ABI3: variants seen among roughly 807,000 people sequenced by gnomAD.
ABI3 encodes the protein ABI family member 3.
ABI3 carries 24 observed loss-of-function variants against 37.0 expected under a neutral mutation model. The observed-to-expected ratio is 0.65, with a 90% CI of 0.47 to 0.91. The LOEUF (loss-of-function observed/expected upper bound fraction) is 0.91. Ranked by LOEUF, ABI3 falls within the 40% of genes least tolerant of loss-of-function variation. ABI3 has a pLI of 0.00. For missense variants in ABI3, 481 were observed against 485.1 expected (o/e 0.99, Z 0.08); for synonymous variants, 220 against 211.8 (o/e 1.04, Z -0.34).
In ABI3 at chr17:49,222,774, G is replaced by T. The variant is rs923931358; in HGVS notation, c.*59G>T. The T allele has an allele frequency of 8.7e-6, 13 of 1,502,088 alleles. No homozygotes were observed. Among genetic ancestry groups the T allele is most frequent in the Non-Finnish European group, 1.2e-5 (13 of 1,119,814 alleles). The allele number at this position is 1,502,088 out of a possible 1,614,324, so 93.0% of individuals were successfully genotyped here. A position where few individuals can be genotyped will look rare whatever the true frequency, so the allele number is the denominator to read the frequency against. Reference sequence around the variant, plus strand: ...ACTGAGTGGGTTTCATGAGCCCCAAGCCAAAACCAGCTCCAGTCACAGCTG... The same window carrying T: ...ACTGAGTGGGTTTCATGAGCCCCAATCCAAAACCAGCTCCAGTCACAGCTG... On this transcript the variant is annotated 3_prime_UTR_variant, in exon 8 of 8. Coordinates refer to ENST00000225941, the MANE Select transcript of ABI3 (RefSeq NM_016428.3).
intron 5 of ABI3, 57 bp from the exon 6 acceptor site, chr17:49,220,112 G>C: frequency 6.2e-7 from 1 of 1,608,502 alleles, no homozygotes; most frequent in Non-Finnish European, 8.5e-7. Flanking sequence ...GGTGGGGCCA[G>C]TTGGGGATGC....
Position 49,220,243 on chromosome 17 carries a change from C to G in ABI3, c.719C>G (p.Ser240Cys), listed in dbSNP as rs368043560. The change falls in exon 6 of 8, where the codon TCC becomes TGC. Residue 240 changes from serine to cysteine, a missense_variant. Transcript: ENST00000225941. ...AAPPAPPLPSSLDPPPPPAAV... is the reference protein window; with the variant it reads ...AAPPAPPLPSCLDPPPPPAAV... ...CCTCCAGCCCCACCTCTCCCCAGCTCCTTGGACCCACCTCCTCCACCAGCA... is the reference window on the plus strand; with the variant it reads ...CCTCCAGCCCCACCTCTCCCCAGCTGCTTGGACCCACCTCCTCCACCAGCA... 17 of 1,611,154 alleles carry G rather than the reference C, an allele frequency of 1.1e-5. No individual in the cohort carries two copies. The highest frequency in any genetic ancestry group is 2.7e-5 in the African/African-American group (2 of 74,888).
At chr17:49,220,846 AAATAATAATAATAATAAT>A (rs201119263) in intron 6 of ABI3, among the ~76,000 whole-genome samples, 75 of 137,276 alleles carry the variant, frequency 5.5e-4, no homozygotes, top group East Asian at 2.8e-3. Flanking sequence ...CTCCATCTCA[AAATAATAATAATAATAAT>A]AATAATAATA....
intron 5 of ABI3, 65 bp downstream of exon 5, chr17:49,220,018 G>T: frequency 6.5e-7 from 1 of 1,527,576 alleles, no homozygotes; most frequent in Non-Finnish European, 8.8e-7. Flanking sequence ...GGGGCCACCT[G>T]CCAGTGGTCA....
chr17:49,220,570 C>G (rs566911234), intron 6 of ABI3, among the ~76,000 whole-genome samples: 24 of 152,194 alleles, frequency 1.6e-4, no homozygotes, highest in African/African-American at 5.3e-4. Context: ...CCTGGCCGGG[C>G]GCGGTGGCTC....
intron 1 of ABI3, among the ~76,000 whole-genome samples, chr17:49,214,911 G>A (rs2043204978): frequency 6.6e-6 from 1 of 152,166 alleles, no homozygotes; most frequent in Non-Finnish European, 1.5e-5. Flanking sequence ...TGCGTGTTGG[G>A]TGTGATTCCA....
intron 1 of ABI3, among the ~76,000 whole-genome samples, chr17:49,213,462 C>T (rs2043189656): frequency 2.0e-5 from 3 of 152,186 alleles, no homozygotes; most frequent in Non-Finnish European, 4.4e-5. Context: ...TTCCCCTACC[C>T]TCCAACCCCA....
At position 49,217,908 on chromosome 17, in the gene ABI3, G is replaced by C; in HGVS notation, c.455G>C (p.Gly152Ala). The C allele has an allele frequency of 6.5e-7, 1 of 1,546,992 alleles. No individual in the cohort carries two copies. The highest frequency in any genetic ancestry group is 1.4e-5 in the African/African-American group (1 of 70,474). ...GGCTGCCTGGACGACATTGGCCATG[G>C]GATCAAGGTAGAGAGAGGGGCCCTC... is the stretch of plus-strand genomic sequence containing the variant. ...NFGCLDDIGH[G>A]IKDLSTQLSR... Residue 152 changes from glycine (G) to alanine (A), a missense_variant, in exon 3 of 8, where the codon GGG becomes GCG. Gly to Ala is a moderately conservative substitution (Grantham distance 60). Transcript: ENST00000225941.
rs1400561784 is a variant in ABI3 at position 49,219,543 on chromosome 17, C to G, written c.466C>G (p.Leu156Val). Reference protein sequence around the residue: ...LDDIGHGIKDLSTQLSRTGTL... With the variant: ...LDDIGHGIKDVSTQLSRTGTL... ...CCTACCTCCCGCTCCCTCGCAGGAC[C>G]TCAGCACGCAGCTGTCAAGAACAGG... is the stretch of plus-strand genomic sequence containing the variant. Residue 156 changes from leucine to valine, a missense_variant, in exon 4 of 8, where the codon CTC (leucine) becomes GTC (valine). By Grantham distance (32) the Leu-to-Val change is conservative (BLOSUM62 1). Coordinates refer to ENST00000225941, the MANE Select transcript of ABI3 (RefSeq NM_016428.3). This position sits in a 1 kb window ranked among gnomAD's most constrained non-coding sequence, Gnocchi z 4.3. 1 of 1,602,480 alleles carries G rather than the reference C, an allele frequency of 6.2e-7. No individual in the cohort carries two copies.
rs142832429 is a variant in ABI3, at chr17:49,222,568, A to G, written c.954A>G (p.Pro318=). ...GCCCTGCAGTGGTGACACTGTACCC[A>G]TACACCAGCCAGAAGGACAATGAGC... ...SYLEKVVTLY[P]YTSQKDNELS... Residue 318 remains proline, a synonymous_variant, in exon 8 of 8, where the codon CCA becomes CCG. Transcript: ENST00000225941. The G allele has an allele frequency of 3.5e-4, 564 of 1,613,804 alleles. No individual in the cohort carries two copies. The highest frequency in any genetic ancestry group is 4.6e-4 in the Non-Finnish European group (537 of 1,180,010).
intron 1 of ABI3, among the ~76,000 whole-genome samples, chr17:49,211,137 C>A (rs532756490): frequency 1.3e-5 from 2 of 152,340 alleles, no homozygotes; most frequent in East Asian, 3.9e-4. Context: ...TTCTGAGTTC[C>A]CACGGGTCAA....
chr17:49,216,773 A>T, intron 2 of ABI3, 75 bp downstream of exon 2: 1 of 1,329,580 alleles, frequency 7.5e-7, no homozygotes, highest in South Asian at 2.0e-5. Context: ...CATTTTCTAC[A>T]TCAAAAGTTC....
At chr17:49,220,852 TAATAA>T (rs964061963) in intron 6 of ABI3, among the ~76,000 whole-genome samples, 1 of 39,520 alleles carries the variant, frequency 2.5e-5, no homozygotes. Context: ...CTCAAAATAA[TAATAA>T]TAATAATAAT....
Position 49,220,312 on chromosome 17 carries a change from C to A in ABI3, c.788C>A (p.Ser263Tyr). Residue 263 changes from serine to tyrosine, a missense_variant, in exon 6 of 8, where the codon TCC (serine) becomes TAC (tyrosine). Transcript: ENST00000225941. ...FQRPPTLEEL[S>Y]PPPPDEELPL... ...CGGCCTCCCACGCTGGAGGAGTTGT[C>A]CCCACCCCCACCGGGTAAGGAGGTC... 1.3e-6 allele frequency: 2 copies of A among 1,588,542 alleles called. No homozygotes were observed. The highest frequency in any genetic ancestry group is 1.7e-6 in the Non-Finnish European group (2 of 1,167,792).
chr17:49,210,962 T>C lies in ABI3; in HGVS notation c.117+121T>C. The C allele has an allele frequency of 1.3e-6, 1 of 771,630 alleles. No individual in the cohort carries two copies. Among genetic ancestry groups the C allele is most frequent in the Non-Finnish European group, 2.1e-6 (1 of 485,598 alleles). 47.8% of individuals were successfully genotyped at this position (771,630 alleles called of 1,614,324 possible). On this transcript the variant is annotated intron_variant, in intron 1 of 7. Coordinates refer to ENST00000225941, the MANE Select transcript of ABI3 (RefSeq NM_016428.3). The surrounding 1 kb of genome is among the most constrained non-coding windows in gnomAD (Gnocchi z 4.2). The stretch of plus-strand genomic sequence containing the variant: ...CTTGTCCTGGGCCTTGGCTGAGAAA[T>C]CCTCCCATTCCAGGCTTCGGCTTCA...
chr17:49,222,346 A>T, intron 7 of ABI3, 121 bp downstream of exon 7: 1 of 1,418,884 alleles, frequency 7.0e-7, no homozygotes. Context: ...AATTTTTCTG[A>T]CGAACTGACA....
At chr17:49,213,256 C>A (rs1227462934) in intron 1 of ABI3, among the ~76,000 whole-genome samples, 1 of 152,220 alleles carries the variant, frequency 6.6e-6, no homozygotes, top group Non-Finnish European at 1.5e-5. Context: ...GGAGGAGAAG[C>A]TGTCCTTGCA....
chr17:49,217,471 T>G (rs1412708131), intron 2 of ABI3, among the ~76,000 whole-genome samples: 2 of 152,082 alleles, frequency 1.3e-5, no homozygotes, highest in Admixed American at 6.5e-5. Context: ...ATGTTGTGTT[T>G]TCTCTTTTCC....
intron 7 of ABI3, 117 bp from the exon 8 acceptor site, chr17:49,222,435 C>T: frequency 7.1e-7 from 1 of 1,416,838 alleles, no homozygotes; most frequent in Non-Finnish European, 9.6e-7. Context: ...GCAAGAAGGC[C>T]CCCAAGATGG....
Sources: allele counts gnomAD v4.1 joint callset (sites outside exome capture counted in the v4.1 genomes callset), GRCh38; gene constraint gnomAD v4.1.1; non-coding constraint Gnocchi (gnomAD v3.1); transcripts MANE v1.5; gene names NCBI Gene and HGNC (gene_info 2026-07-23, HGNC 2026-07-21).